Variants in BTBD9 observed in about 807,000 individuals in gnomAD.
BTBD9 encodes BTB domain containing 9, also known as BTB/POZ domain-containing protein 9.
In BTBD9, 49 loss-of-function variants were observed where a neutral mutation model predicts 64.3. The ratio of observed to expected loss-of-function variants is 0.76; its 90% confidence interval spans 0.61 to 0.97. BTBD9 has a LOEUF of 0.97. BTBD9 is among the 50% of genes least tolerant of loss of function. The pLI is 0.00. For missense variants in BTBD9, 598 were observed against 762.1 expected (o/e 0.78, Z 2.53); for synonymous variants, 260 against 274.7 (o/e 0.95, Z 0.53).
intron 7 of BTBD9, among the ~76,000 whole-genome samples, chr6:38,318,735 G>A (rs547842349): frequency 2.0e-5 from 3 of 152,294 alleles, no homozygotes; most frequent in Admixed American, 1.3e-4. Flanking sequence ...CACAGCACTG[G>A]GTCTTGCCCA....
At chr6:38,308,965 G>A (rs757048952) in intron 7 of BTBD9, among the ~76,000 whole-genome samples, 170 of 151,960 alleles carry the variant, frequency 1.1e-3, no homozygotes, top group Non-Finnish European at 1.8e-3. Flanking sequence ...TTAAAGGGTC[G>A]TCAGGTCACA....
intron 10 of BTBD9, among the ~76,000 whole-genome samples, chr6:38,188,667 T>C (rs73423574): frequency 0.05 from 7,660 of 152,304 alleles, 619 homozygotes; most frequent in African/African-American, 0.17. Flanking sequence ...TATGGACTGA[T>C]GCTTGTGTCC....
chr6:38,463,851 G>A (rs1770216002), intron 6 of BTBD9, among the ~76,000 whole-genome samples: 1 of 152,092 alleles, frequency 6.6e-6, no homozygotes, highest in Non-Finnish European at 1.5e-5. Context: ...GGCCAACATG[G>A]CGAAATCCCA....
At chr6:38,248,075 C>T (rs1413797482) in intron 9 of BTBD9, among the ~76,000 whole-genome samples, 2 of 152,004 alleles carry the variant, frequency 1.3e-5, no homozygotes, top group Non-Finnish European at 2.9e-5. Context: ...GGCATATTTC[C>T]TTTTGGCTTT....
intron 7 of BTBD9, among the ~76,000 whole-genome samples, chr6:38,299,683 T>C (rs368134914): frequency 9.9e-5 from 15 of 152,232 alleles, no homozygotes; most frequent in African/African-American, 2.7e-4. Flanking sequence ...TCATATCCTT[T>C]GCCCACTTTT....
chr6:38,502,560 G>A lies in BTBD9; in HGVS notation c.1154+75040C>T, dbSNP rs139054360. Among the ~76,000 whole-genome samples, 20 of 152,234 alleles carry A rather than the reference G, an allele frequency of 1.3e-4. No homozygotes were observed. In the East Asian group the frequency reaches 3.3e-3, roughly 25 times the overall value. Reference sequence around the variant, plus strand: ...TGTCCTATAGACCAAGGTCAATAACGAGGCAAACATTCTGCTGACAGAAAT... The same window carrying A: ...TGTCCTATAGACCAAGGTCAATAACAAGGCAAACATTCTGCTGACAGAAAT... On this transcript the variant is annotated intron_variant, in intron 6 of 10. Transcript: ENST00000481247.
At chr6:38,436,166 GA>G (rs1768727115) in intron 6 of BTBD9, among the ~76,000 whole-genome samples, 1 of 151,818 alleles carries the variant, frequency 6.6e-6, no homozygotes, top group East Asian at 1.9e-4. Flanking sequence ...CGTAAAAAAT[GA>G]AGTTAAGAGG....
chr6:38,191,972 G>C (rs1340366322), intron 10 of BTBD9, among the ~76,000 whole-genome samples: 8 of 152,186 alleles, frequency 5.3e-5, no homozygotes, highest in African/African-American at 2.4e-5. Flanking sequence ...ATAAATCTGA[G>C]AAAGATCACA....
intron 9 of BTBD9, among the ~76,000 whole-genome samples, chr6:38,254,005 A>G (rs1029812759): frequency 8.8e-5 from 13 of 147,870 alleles, no homozygotes; most frequent in Non-Finnish European, 3.0e-5. Context: ...AGTAGCATCT[A>G]GTATGTCAAT....
At chr6:38,506,026 C>T (rs1442877359) in intron 6 of BTBD9, among the ~76,000 whole-genome samples, 1 of 149,622 alleles carries the variant, frequency 6.7e-6, no homozygotes, top group East Asian at 2.0e-4. Flanking sequence ...CCAAATTGTG[C>T]TGCAACTCTG....
chr6:38,631,183 G>A (rs1172782718), intron 1 of BTBD9, among the ~76,000 whole-genome samples: 3 of 152,204 alleles, frequency 2.0e-5, no homozygotes, highest in Non-Finnish European at 4.4e-5. Context: ...CAACAAATCT[G>A]TAATTTGTGA....
Position 38,347,142 on chromosome 6 carries a change from T to C in BTBD9, c.1155-2049A>G, listed in dbSNP as rs1311758953. On this transcript the variant is annotated intron_variant, in intron 6 of 10. Transcript: ENST00000481247. ...TTTAGATAACTAATTTCCCAAATTT[T>C]ACCCAGTGCAAACATTAGGAATGCG... Among the ~76,000 whole-genome samples, 3 of 152,220 alleles carry C rather than the reference T, an allele frequency of 2.0e-5. No homozygotes were observed. The East Asian group carries it at 5.8e-4, about 29-fold the overall frequency.
intron 9 of BTBD9, among the ~76,000 whole-genome samples, chr6:38,210,448 A>G (rs1294306487): frequency 6.6e-6 from 1 of 152,040 alleles, no homozygotes; most frequent in Non-Finnish European, 1.5e-5. Flanking sequence ...AATGATTTTG[A>G]GTATCATGCA....
Position 38,169,897 on chromosome 6 carries a change from T to C in BTBD9, c.*5088A>G, listed in dbSNP as rs534289626. The stretch of plus-strand genomic sequence containing the variant: ...GGCCTCTTGGGGACTATTTCAGTTC[T>C]TTAAAAAAAAGAAGACACGAAGCTG... On this transcript the variant is annotated 3_prime_UTR_variant, in exon 11 of 11. Transcript: ENST00000481247. 8.0e-5 allele frequency: 7 copies of C among 87,014 alleles called. No individual in the cohort carries two copies. Among genetic ancestry groups the C allele is most frequent in the African/African-American group, 2.4e-4 (7 of 29,376 alleles). 5.4% of individuals were successfully genotyped at this position (87,014 alleles called of 1,614,324 possible). A position where few individuals can be genotyped will look rare whatever the true frequency, so the allele number is the denominator to read the frequency against.
rs756482858 is a variant in BTBD9, at chr6:38,580,264, A to C, written c.988T>G (p.Ser330Ala). ...AGTATCCGTATGTGATTGATAATGG[A>C]TGGCTGACCTAGCTTAATCTCGATG... is the stretch of plus-strand genomic sequence containing the variant. ...SGIEIKLGQP[S>A]IINHIRILLW... Residue 330 changes from serine to alanine, a missense_variant, in exon 5 of 11, where the codon TCC becomes GCC. Coordinates refer to ENST00000481247, the MANE Select transcript of BTBD9 (RefSeq NM_001099272.2). 1 of 1,614,244 alleles carries C rather than the reference A, an allele frequency of 6.2e-7. No individual in the cohort carries two copies. Among genetic ancestry groups the C allele is most frequent in the Admixed American group, 1.7e-5 (1 of 60,030 alleles).
intron 6 of BTBD9, among the ~76,000 whole-genome samples, chr6:38,547,553 C>G (rs1159870393): frequency 6.6e-6 from 1 of 152,198 alleles, no homozygotes; most frequent in Non-Finnish European, 1.5e-5. Flanking sequence ...TTTACTTGCT[C>G]CATCCACATT....
chr6:38,196,845 G>C (rs1280459434), intron 9 of BTBD9, among the ~76,000 whole-genome samples: 2 of 152,190 alleles, frequency 1.3e-5, no homozygotes, highest in African/African-American at 4.8e-5. Flanking sequence ...TAAATTTTGA[G>C]AGGGTGCCCA....
At chr6:38,550,577 A>C (rs1372118976) in intron 6 of BTBD9, among the ~76,000 whole-genome samples, 1 of 151,928 alleles carries the variant, frequency 6.6e-6, no homozygotes. Context: ...CAGCCTCCCA[A>C]AGTGCTGGGA....
chr6:38,283,162 A>G (rs1761585888), intron 8 of BTBD9, among the ~76,000 whole-genome samples: 1 of 152,240 alleles, frequency 6.6e-6, no homozygotes, highest in African/African-American at 2.4e-5. Flanking sequence ...TTAGACAGCC[A>G]CTGACCATGC....
Sources: gnomAD v4.1 joint callset for allele counts (sites outside exome capture counted in the v4.1 genomes callset) on GRCh38, gnomAD v4.1.1 for gene constraint, MANE v1.5 for transcripts, NCBI Gene and HGNC (gene_info 2026-07-23, HGNC 2026-07-21) for gene names.